The following TFRC variants were observed in gnomAD, a reference collection of about 807,000 sequenced individuals.
TFRC encodes the protein transferrin receptor protein 1.
Under a neutral mutation model 85.8 loss-of-function variants are expected in TFRC, and 35 were observed. The observed-to-expected ratio is 0.41, with a 90% CI of 0.31 to 0.54. The LOEUF is 0.54. TFRC is among the 20% of genes least tolerant of loss of function. TFRC has a pLI of 0.31. For synonymous variants in TFRC, 362 were observed against 328.6 expected (o/e 1.10, Z -1.10); for missense variants, 828 against 921.5 (o/e 0.90, Z 1.31).
Position 196,052,063 on chromosome 3 carries a change from T to C in TFRC, c.2162A>G (p.Gln721Arg). Reference protein sequence around the residue: ...ALLENLKLRKQNNGAFNETLF... With the variant: ...ALLENLKLRKRNNGAFNETLF... ...CGTTTCATTAAAAGCACCGTTATTTTGTTTACGCAGTTTCAAGTTCTCCAG... is the reference window on the plus strand; with the variant it reads ...CGTTTCATTAAAAGCACCGTTATTTCGTTTACGCAGTTTCAAGTTCTCCAG... Residue 721 changes from glutamine (Q) to arginine (R), a missense_variant, in exon 19 of 19, where the codon CAA becomes CGA. Physicochemically the swap from Gln to Arg is conservative, Grantham distance 43. Transcript: ENST00000360110. 2 of 1,614,164 alleles carry C rather than the reference T, an allele frequency of 1.2e-6. No homozygotes were observed. Among genetic ancestry groups the C allele is most frequent in the South Asian group, 1.1e-5 (1 of 91,090 alleles).
chr3:196,072,189 T>C (rs1231481466), intron 4 of TFRC, 37 bp from the exon 5 acceptor site: 1 of 1,601,862 alleles, frequency 6.2e-7, no homozygotes, highest in Admixed American at 1.8e-5. Context: ...AACTTAAGTT[T>C]ACTTTAAAAT....
intron 16 of TFRC, among the ~76,000 whole-genome samples, chr3:196,057,447 G>C (rs949193900): frequency 3.3e-5 from 5 of 152,150 alleles, no homozygotes; most frequent in African/African-American, 1.2e-4. Flanking sequence ...AGTTTTTGGA[G>C]ACGTGAGTCT....
At chr3:196,054,320 G>A (rs1293000429) in intron 17 of TFRC, among the ~76,000 whole-genome samples, 1 of 152,116 alleles carries the variant, frequency 6.6e-6, no homozygotes, top group African/African-American at 2.4e-5. Flanking sequence ...CAGGAGAATC[G>A]CTTAAAGCCG....
At chr3:196,055,861 G>A (rs865838024) in intron 16 of TFRC, among the ~76,000 whole-genome samples, 42 of 146,302 alleles carry the variant, frequency 2.9e-4, no homozygotes, top group African/African-American at 9.3e-4. Flanking sequence ...GCCTTGAGAC[G>A]AGGTCTCTCT....
chr3:196,060,313 C>T (rs148224674), intron 13 of TFRC, 66 bp from the exon 14 acceptor site: 3 of 1,308,584 alleles, frequency 2.3e-6, no homozygotes, highest in Admixed American at 3.6e-5. Context: ...GCTACTTCTA[C>T]AACTATAAGT....
intron 13 of TFRC, among the ~76,000 whole-genome samples, chr3:196,060,960 G>A (rs1184559526): frequency 1.3e-5 from 2 of 152,066 alleles, no homozygotes; most frequent in Non-Finnish European, 2.9e-5. Context: ...ACCCAGGTTA[G>A]AGCTATACAT....
rs78443632 is a variant in TFRC at position 196,078,674 on chromosome 3, G to T, written c.-23-1552C>A. Among the ~76,000 whole-genome samples, 843 of 151,598 alleles carry T rather than the reference G, an allele frequency of 5.6e-3. 56 individuals are homozygous for T. In the East Asian group the frequency reaches 0.14, roughly 25 times the overall value. ...TCCATCTCAAAAAAATAATAAAAAA[G>T]AAAAAGAAAAAGCTCTAAAACCTAT... On this transcript the variant is annotated intron_variant, in intron 1 of 18. Coordinates refer to ENST00000360110, the MANE Select transcript of TFRC (RefSeq NM_001128148.3).
Position 196,049,595 on chromosome 3 carries a change from T to C in TFRC, c.*2347A>G, listed in dbSNP as rs898961736. The C allele has an allele frequency of 6.3e-5, 14 of 223,980 alleles. No individual in the cohort carries two copies. The highest frequency in any genetic ancestry group is 1.2e-4 in the Non-Finnish European group (13 of 112,266). The allele number at this position is 223,980 out of a possible 1,614,324, so 13.9% of individuals were successfully genotyped here. ...AGCCTGTTAGCACGTACTGGCTTGA[T>C]AGGAAGTAACTCAACCCTAACTGTA... On this transcript the variant is annotated 3_prime_UTR_variant, in exon 19 of 19. Coordinates refer to ENST00000360110, the MANE Select transcript of TFRC (RefSeq NM_001128148.3).
At position 196,075,150 on chromosome 3, in the gene TFRC, C is replaced by T; in HGVS notation, c.238+9G>A. ...AGAAAACATTGAAGTTTGGAATGGTCATTCTCACCAATCAAGAAAAAGACG... is the reference window on the plus strand; with the variant it reads ...AGAAAACATTGAAGTTTGGAATGGTTATTCTCACCAATCAAGAAAAAGACG... On this transcript the variant is annotated intron_variant, in intron 3 of 18. Coordinates refer to ENST00000360110, the MANE Select transcript of TFRC (RefSeq NM_001128148.3). 6.2e-7 allele frequency: 1 copy of T among 1,610,130 alleles called. No homozygotes were observed.
At chr3:196,070,167 G>A (rs549102625) in intron 6 of TFRC, among the ~76,000 whole-genome samples, 2 of 152,126 alleles carry the variant, frequency 1.3e-5, no homozygotes, top group Admixed American at 6.5e-5. Context: ...GCCAGGCAAA[G>A]GGATAAAGCA....
chr3:196,061,699 A>G (rs1464332650), intron 13 of TFRC, among the ~76,000 whole-genome samples: 1 of 152,172 alleles, frequency 6.6e-6, no homozygotes, highest in Non-Finnish European at 1.5e-5. Context: ...CATGTTGGCC[A>G]GGCTGGTCTC....
At chr3:196,076,933 G>T in intron 2 of TFRC, 131 bp downstream of exon 2, 2 of 824,622 alleles carry the variant, frequency 2.4e-6, no homozygotes, top group Non-Finnish European at 4.0e-6. Flanking sequence ...TATGCCTCAA[G>T]ACTACCAATT....
At chr3:196,081,190 A>G (rs986290331) in intron 1 of TFRC, among the ~76,000 whole-genome samples, 2 of 152,178 alleles carry the variant, frequency 1.3e-5, no homozygotes, top group African/African-American at 4.8e-5. Flanking sequence ...CTAATCTCCA[A>G]GTATCTTTCA....
At chr3:196,075,081 A>G in intron 3 of TFRC, 78 bp downstream of exon 3, 1 of 1,259,750 alleles carries the variant, frequency 7.9e-7, no homozygotes, top group South Asian at 1.3e-5. Context: ...GTACAAAATA[A>G]CTATATGCTG....
At chr3:196,069,348 A>T (rs975953128) in intron 7 of TFRC, 107 bp downstream of exon 7, 10 of 708,770 alleles carry the variant, frequency 1.4e-5, no homozygotes, top group Non-Finnish European at 1.4e-5. Flanking sequence ...ATGAGAGTTT[A>T]AGATTGCTGA....
intron 4 of TFRC, among the ~76,000 whole-genome samples, chr3:196,072,449 A>T (rs1460929923): frequency 3.3e-5 from 5 of 152,218 alleles, no homozygotes; most frequent in Non-Finnish European, 5.9e-5. Flanking sequence ...TTCCAGATCT[A>T]CTATAAAATC....
At chr3:196,081,111 T>C (rs1376275764) in intron 1 of TFRC, among the ~76,000 whole-genome samples, 1 of 152,134 alleles carries the variant, frequency 6.6e-6, no homozygotes, top group East Asian at 1.9e-4. Context: ...AAAAGAACTG[T>C]CCAGCAGAAT....
chr3:196,067,727 G>C, intron 8 of TFRC, 70 bp from the exon 9 acceptor site: 1 of 1,547,922 alleles, frequency 6.5e-7, no homozygotes. Context: ...ATTCAGGTTT[G>C]GTATAAGGCT....
intron 13 of TFRC, chr3:196,062,258 T>A: frequency 7.4e-6 from 2 of 271,098 alleles, no homozygotes; most frequent in South Asian, 1.0e-4. Flanking sequence ...AAGTAGTTTA[T>A]CTGGCCAGGC....
Sources: allele counts gnomAD v4.1 joint callset (sites outside exome capture counted in the v4.1 genomes callset), GRCh38; gene constraint gnomAD v4.1.1; transcripts MANE v1.5; gene names NCBI Gene and HGNC (gene_info 2026-07-23, HGNC 2026-07-21).